FAM81A: variants seen among roughly 807,000 people sequenced by gnomAD.
FAM81A encodes the protein protein FAM81A.
Under a neutral mutation model 46.7 loss-of-function variants are expected in FAM81A, and 19 were observed. That is an observed-to-expected ratio of 0.41 (90% CI 0.28 to 0.60). FAM81A has a LOEUF of 0.60. Ranked by LOEUF, FAM81A falls within the 20% of genes least tolerant of loss-of-function variation. The pLI is 0.34. For synonymous variants in FAM81A, 183 were observed against 152.9 expected (o/e 1.20, Z -1.45); for missense variants, 377 against 453.5 (o/e 0.83, Z 1.53).
At chr15:59,517,469 C>T (rs963958723) in intron 8 of FAM81A, among the ~76,000 whole-genome samples, 10 of 152,160 alleles carry the variant, frequency 6.6e-5, no homozygotes, top group African/African-American at 1.9e-4. Flanking sequence ...TGATGGCTTT[C>T]GGAGCTTGAG....
intron 1 of FAM81A, among the ~76,000 whole-genome samples, chr15:59,443,013 C>A (rs2081316941): frequency 6.6e-6 from 1 of 152,142 alleles, no homozygotes; most frequent in Non-Finnish European, 1.5e-5. Context: ...AATCAACAGG[C>A]CTTATTCATG....
chr15:59,521,265 G>A lies in FAM81A; in HGVS notation c.994G>A (p.Val332Ile), dbSNP rs143217762. ...KAEVNAGFTA[V>I]YESIGSLRQV... ...ACCTCTCCTTCAAGGGTTTACAGCC[G>A]TCTATGAAAGCATAGGATCCCTCAG... The change falls in exon 9 of 9, where the codon GTC becomes ATC. Residue 332 changes from valine (V) to isoleucine (I), a missense_variant. Val to Ile is a conservative substitution (Grantham distance 29). Coordinates refer to ENST00000288228, the MANE Select transcript of FAM81A (RefSeq NM_152450.3). 795 of 1,613,130 alleles carry A rather than the reference G, an allele frequency of 4.9e-4. 2 individuals carry two copies. In the Admixed American group the frequency reaches 5.0e-3, roughly 10 times the overall value.
chr15:59,471,794 T>C (rs566684868), intron 3 of FAM81A, among the ~76,000 whole-genome samples: 2 of 152,188 alleles, frequency 1.3e-5, no homozygotes, highest in Non-Finnish European at 2.9e-5. Flanking sequence ...CCTACATACA[T>C]AGTTATCAAA....
At chr15:59,509,871 A>G (rs1424840456) in intron 6 of FAM81A, among the ~76,000 whole-genome samples, 2 of 152,140 alleles carry the variant, frequency 1.3e-5, no homozygotes, top group Admixed American at 1.3e-4. Flanking sequence ...ATGAGGCTGC[A>G]GGGGAGGTGG....
chr15:59,442,687 A>G (rs1367531737), intron 1 of FAM81A, among the ~76,000 whole-genome samples: 1 of 152,094 alleles, frequency 6.6e-6, no homozygotes, highest in Non-Finnish European at 1.5e-5. Flanking sequence ...ATAATTCCCA[A>G]CATACCTTTC....
chr15:59,435,299 A>G (rs1414232079), upstream of FAM81A, among the ~76,000 whole-genome samples: 1 of 152,036 alleles, frequency 6.6e-6, no homozygotes, highest in Non-Finnish European at 1.5e-5. Context: ...CAAACAAACA[A>G]GCAAACAAAC....
intron 3 of FAM81A, among the ~76,000 whole-genome samples, chr15:59,483,502 A>G (rs1017832426): frequency 1.3e-5 from 2 of 152,222 alleles, no homozygotes; most frequent in African/African-American, 2.4e-5. Context: ...AAAAGAAAAG[A>G]AAATAGAGTT....
At chr15:59,510,886 G>A (rs2082201227) in intron 6 of FAM81A, among the ~76,000 whole-genome samples, 1 of 148,614 alleles carries the variant, frequency 6.7e-6, no homozygotes, top group Non-Finnish European at 1.5e-5. Flanking sequence ...GGTGGTTCGC[G>A]CCCATAATCC....
upstream of FAM81A, among the ~76,000 whole-genome samples, chr15:59,434,290 CAG>C (rs1434856596): frequency 2.0e-4 from 31 of 152,212 alleles, no homozygotes; most frequent in African/African-American, 7.0e-4. Flanking sequence ...TATAAATATG[CAG>C]AGACTATTTT....
intron 4 of FAM81A, among the ~76,000 whole-genome samples, chr15:59,493,038 G>C (rs370213533): frequency 1.3e-5 from 2 of 152,136 alleles, no homozygotes; most frequent in African/African-American, 4.8e-5. Flanking sequence ...AAATTTGTCC[G>C]AAGTATTTAT....
chr15:59,472,104 C>A (rs1474400340), intron 3 of FAM81A, among the ~76,000 whole-genome samples: 6 of 152,102 alleles, frequency 3.9e-5, no homozygotes, highest in African/African-American at 1.4e-4. Context: ...GTTGCCTTAT[C>A]CCCTTTTTAG....
intron 2 of FAM81A, among the ~76,000 whole-genome samples, chr15:59,402,559 G>A (rs955482616): frequency 1.3e-5 from 2 of 151,878 alleles, no homozygotes; most frequent in South Asian, 2.1e-4. Context: ...TTTTTATTTC[G>A]AGACAGCGTC....
chr15:59,429,513 A>G (rs2081210346), intron 2 of FAM81A, among the ~76,000 whole-genome samples: 1 of 152,222 alleles, frequency 6.6e-6, no homozygotes, highest in Non-Finnish European at 1.5e-5. Flanking sequence ...AGGAAAGCTG[A>G]TATCTCCTGT....
At position 59,460,308 on chromosome 15, in the gene FAM81A, A is replaced by T. The variant is rs1464302323; in HGVS notation, c.294+102A>T. On this transcript the variant is annotated intron_variant, in intron 3 of 8. Transcript: ENST00000288228. The surrounding 1 kb of genome is among the most constrained non-coding windows in gnomAD (Gnocchi z 4.4). The stretch of plus-strand genomic sequence containing the variant: ...ACTCCTACCTCCCAGGCAGTACTGC[A>T]TTTAGAACAAAGCTGTCTGTCTTGT... The T allele has an allele frequency of 4.2e-6, 6 of 1,443,844 alleles. No homozygotes were observed. Among genetic ancestry groups the T allele is most frequent in the Non-Finnish European group, 5.8e-6 (6 of 1,029,534 alleles). 89.4% of individuals were successfully genotyped at this position (1,443,844 alleles called of 1,614,324 possible).
chr15:59,497,557 A>G (rs2082047378), intron 4 of FAM81A, among the ~76,000 whole-genome samples: 1 of 152,168 alleles, frequency 6.6e-6, no homozygotes. Context: ...TTGCCATTTT[A>G]AAAATATTAA....
chr15:59,472,029 A>C (rs1328029572), intron 3 of FAM81A, among the ~76,000 whole-genome samples: 1 of 152,152 alleles, frequency 6.6e-6, no homozygotes, highest in Non-Finnish European at 1.5e-5. Flanking sequence ...TGGTCACAGC[A>C]ATTTGATTTC....
At chr15:59,439,380 G>C (rs1002981264) in intron 1 of FAM81A, among the ~76,000 whole-genome samples, 1 of 151,650 alleles carries the variant, frequency 6.6e-6, no homozygotes, top group Non-Finnish European at 1.5e-5. Context: ...CACTGAATGC[G>C]CGTGTGTGTA....
At chr15:59,490,483 G>T (rs1395919673) in intron 3 of FAM81A, among the ~76,000 whole-genome samples, 1 of 152,128 alleles carries the variant, frequency 6.6e-6, no homozygotes, top group Non-Finnish European at 1.5e-5. Flanking sequence ...GCAAACACAG[G>T]TATATGAAAA....
chr15:59,405,832 C>G (rs1354906946), intron 2 of FAM81A, among the ~76,000 whole-genome samples: 1 of 152,156 alleles, frequency 6.6e-6, no homozygotes. Flanking sequence ...TCAGCCTTGA[C>G]TTTTCTGGGC....
Sources: gnomAD v4.1 joint callset for allele counts (sites outside exome capture counted in the v4.1 genomes callset) on GRCh38, gnomAD v4.1.1 for gene constraint, Gnocchi (gnomAD v3.1) non-coding constraint, MANE v1.5 for transcripts, NCBI Gene and HGNC (gene_info 2026-07-23, HGNC 2026-07-21) for gene names.